Variants in RPTOR observed in about 807,000 individuals in gnomAD.
RPTOR encodes the protein regulatory-associated protein of mTOR.
Under a neutral mutation model 169.9 loss-of-function variants are expected in RPTOR, and 21 were observed. The observed-to-expected ratio is 0.12, with a 90% CI of 0.09 to 0.18. RPTOR has a LOEUF of 0.18. Ranked by LOEUF, RPTOR falls within the 10% of genes least tolerant of loss-of-function variation. The pLI, the probability that RPTOR is intolerant of heterozygous loss-of-function variation, is 1.00. For synonymous variants in RPTOR, 732 were observed against 753.2 expected, an observed-to-expected ratio of 0.97 and a Z score of 0.46; for missense variants, 1,133 against 1,855.9, an observed-to-expected ratio of 0.61 and a Z score of 7.16.
intron 21 of RPTOR, among the ~76,000 whole-genome samples, chr17:80,919,224 G>A (rs1306414253): frequency 1.3e-5 from 2 of 152,136 alleles, no homozygotes; most frequent in African/African-American, 4.8e-5. Flanking sequence ...TCTAGGAAAC[G>A]CAGTTTGCAG....
intron 9 of RPTOR, among the ~76,000 whole-genome samples, chr17:80,828,019 T>A (rs56238004): frequency 6.6e-6 from 1 of 152,064 alleles, no homozygotes; most frequent in African/African-American, 2.4e-5. Flanking sequence ...TGCTGAGTCA[T>A]GGGATGTACG....
chr17:80,940,643 G>T (rs1156269929), intron 25 of RPTOR, 42 bp downstream of exon 25: 3 of 1,524,026 alleles, frequency 2.0e-6, no homozygotes, highest in Non-Finnish European at 2.7e-6. Context: ...CATTCCGGGG[G>T]TGGGGCCTGG....
chr17:80,575,727 ATATTT>A (rs1301634058), intron 1 of RPTOR, among the ~76,000 whole-genome samples: 1 of 152,166 alleles, frequency 6.6e-6, no homozygotes, highest in African/African-American at 2.4e-5. Context: ...ATTAAGTCAA[ATATTT>A]TATTTGTGGT....
At chr17:80,552,215 T>A (rs1487421108) in intron 1 of RPTOR, among the ~76,000 whole-genome samples, 1 of 152,212 alleles carries the variant, frequency 6.6e-6, no homozygotes, top group Non-Finnish European at 1.5e-5. Flanking sequence ...TTACTGGTGG[T>A]CTCCATTGGC....
chr17:80,587,650 C>T (rs2065072539), intron 1 of RPTOR, among the ~76,000 whole-genome samples: 1 of 152,054 alleles, frequency 6.6e-6, no homozygotes, highest in South Asian at 2.1e-4. Context: ...TAATTTACTT[C>T]CCCCTGGCCC....
At chr17:80,904,183 A>C (rs1416566020) in intron 20 of RPTOR, among the ~76,000 whole-genome samples, 2 of 152,154 alleles carry the variant, frequency 1.3e-5, no homozygotes, top group African/African-American at 4.8e-5. Context: ...TGATTCTCGT[A>C]ACAGCCACAC....
intron 5 of RPTOR, among the ~76,000 whole-genome samples, chr17:80,742,547 C>G (rs2066492078): frequency 6.6e-6 from 1 of 151,212 alleles, no homozygotes; most frequent in Non-Finnish European, 1.5e-5. Flanking sequence ...CGTATACTCA[C>G]CTACATTTAC....
In RPTOR at chr17:80,957,619, T is replaced by C. The variant is rs572676560; in HGVS notation, c.3371-5T>C. 18 of 1,613,580 alleles carry C rather than the reference T, an allele frequency of 1.1e-5. No individual in the cohort carries two copies. Among genetic ancestry groups the C allele is most frequent in the African/African-American group, 2.7e-5 (2 of 75,026 alleles). On this transcript the variant is annotated splice_polypyrimidine_tract_variant and splice_region_variant and intron_variant, in intron 28 of 33. Coordinates refer to ENST00000306801, the MANE Select transcript of RPTOR (RefSeq NM_020761.3). The surrounding 1 kb of genome is among the most constrained non-coding windows in gnomAD (Gnocchi z 4.6). ...GTGATGCCATGTCCCACTGTATCTC[T>C]CCAGGAGCTGGGATGGTGGTGGACT... is the stretch of plus-strand genomic sequence containing the variant.
At position 80,891,704 on chromosome 17, in the gene RPTOR, T is replaced by A. The variant is rs2068326285; in HGVS notation, c.1984-16T>A. 1 of 1,556,700 alleles carries A rather than the reference T, an allele frequency of 6.4e-7. No individual in the cohort carries two copies. ...CAGCCCCAGTGACTGTTATTGTCCC[T>A]TCTCCCTCTCGGCAGGAGCTGGTGG... On this transcript the variant is annotated splice_polypyrimidine_tract_variant and intron_variant, in intron 17 of 33. Transcript: ENST00000306801.
chr17:80,751,822 C>T (rs2066633220), intron 5 of RPTOR, among the ~76,000 whole-genome samples: 1 of 152,220 alleles, frequency 6.6e-6, no homozygotes, highest in South Asian at 2.1e-4. Context: ...ATGCGATGCT[C>T]CAGCCCTCAT....
intron 7 of RPTOR, among the ~76,000 whole-genome samples, chr17:80,791,828 A>G (rs984372895): frequency 6.6e-6 from 1 of 152,230 alleles, no homozygotes; most frequent in Admixed American, 6.5e-5. Flanking sequence ...GCTGCCACTG[A>G]AATGATAGCT....
In RPTOR at chr17:80,794,189, A is replaced by G. The variant is rs2067078048; in HGVS notation, c.890+2680A>G. Among the ~76,000 whole-genome samples the G allele has an allele frequency of 2.6e-5, 4 of 152,262 alleles. No individual in the cohort carries two copies. In the South Asian group the frequency reaches 8.3e-4, roughly 31 times the overall value. ...CGGAGAAAATATTTGCAAGTCACAT[A>G]TCTGACAAAGAACACATGTATCCAG... On this transcript the variant is annotated intron_variant, in intron 7 of 33. Coordinates refer to ENST00000306801, the MANE Select transcript of RPTOR (RefSeq NM_020761.3).
At chr17:80,822,500 A>G (rs1276818469) in intron 8 of RPTOR, among the ~76,000 whole-genome samples, 199 bp downstream of exon 8, 1 of 152,246 alleles carries the variant, frequency 6.6e-6, no homozygotes, top group Non-Finnish European at 1.5e-5. Context: ...CCAGGTTCTC[A>G]GAACGGTGGT....
At chr17:80,931,272 G>A (rs1446590795) in intron 24 of RPTOR, among the ~76,000 whole-genome samples, 2 of 152,220 alleles carry the variant, frequency 1.3e-5, no homozygotes, top group Non-Finnish European at 2.9e-5. Context: ...GAGGTGGCAG[G>A]GGAAGTGAGT....
intron 9 of RPTOR, among the ~76,000 whole-genome samples, chr17:80,836,075 C>T (rs1428091985): frequency 6.6e-6 from 1 of 152,134 alleles, no homozygotes; most frequent in African/African-American, 2.4e-5. Context: ...GAGAGCCACG[C>T]GCCCAGAGCC....
In RPTOR at chr17:80,883,849, G is replaced by T. The variant is rs112773678; in HGVS notation, c.1719G>T (p.Leu573=). The T allele has an allele frequency of 5.2e-5, 84 of 1,613,686 alleles. No homozygotes were observed. The African/African-American group carries it at 7.9e-4, about 15-fold the overall frequency. The change falls in exon 16 of 34, where the codon CTG becomes CTT. Residue 573 remains leucine (L), a synonymous_variant. Transcript: ENST00000306801. ...LEQLNDPHPL[L]RQWVAICLGR... is the part of the protein sequence containing the mutation. ...AGCTCAACGACCCGCACCCCTTGCT[G>T]CGCCAGTGGGTGGCCATCTGCCTCG...
intron 12 of RPTOR, 88 bp from the exon 13 acceptor site, chr17:80,857,702 G>A (rs2143752982): frequency 2.5e-6 from 2 of 800,588 alleles, no homozygotes; most frequent in Non-Finnish European, 4.2e-6. Context: ...GCTGAAGATA[G>A]CACCGCAGCT....
intron 1 of RPTOR, among the ~76,000 whole-genome samples, chr17:80,616,965 G>A (rs77542417): frequency 0.011 from 1,680 of 152,198 alleles, 27 homozygotes; most frequent in African/African-American, 0.038. Context: ...AGCTGACTGC[G>A]CAGGTTATTT....
At chr17:80,649,674 G>A (rs147760330) in intron 3 of RPTOR, among the ~76,000 whole-genome samples, 191 of 152,186 alleles carry the variant, frequency 1.3e-3, no homozygotes, top group Non-Finnish European at 2.4e-3. Context: ...TGCTTTGACA[G>A]TTTCACTTAA....
Sources: allele counts gnomAD v4.1 joint callset (sites outside exome capture counted in the v4.1 genomes callset), GRCh38; gene constraint gnomAD v4.1.1; non-coding constraint Gnocchi (gnomAD v3.1); transcripts MANE v1.5; gene names NCBI Gene and HGNC (gene_info 2026-07-23, HGNC 2026-07-21).